Variants in TP53I11 observed in about 807,000 individuals in gnomAD.
TP53I11 encodes tumor protein p53-inducible protein 11.
TP53I11 carries 9 observed loss-of-function variants against 23.3 expected under a neutral mutation model. That is an observed-to-expected ratio of 0.39 (90% CI 0.23 to 0.67). The LOEUF (loss-of-function observed/expected upper bound fraction) is 0.67, where lower values mean the gene tolerates loss of function less well. TP53I11 is among the 30% of genes least tolerant of loss of function. TP53I11 has a pLI of 0.48. For missense variants in TP53I11, 170 were observed against 255.2 expected (o/e 0.67, Z 2.27); for synonymous variants, 100 against 106.1 (o/e 0.94, Z 0.35).
chr11:44,947,412 C>T lies in TP53I11; in HGVS notation c.-32+3265G>A, dbSNP rs149819629. On this transcript the variant is annotated intron_variant, in intron 1 of 6. Transcript: ENST00000525680. The stretch of plus-strand genomic sequence containing the variant: ...CCCTCTCCGACCTGCACCCCACTCT[C>T]CCCATGCCCCTCCCCCACCCCGTGG... Among the ~76,000 whole-genome samples, 1,428 of 152,278 alleles carry T rather than the reference C, an allele frequency of 9.4e-3. 10 individuals carry two copies. Among genetic ancestry groups the T allele is most frequent in the Admixed American group, 0.014 (211 of 15,308 alleles).
chr11:44,937,870 TG>T (rs983822666), intron 2 of TP53I11, among the ~76,000 whole-genome samples: 1 of 152,238 alleles, frequency 6.6e-6, no homozygotes, highest in Admixed American at 6.5e-5. Context: ...ACTTGAAGCC[TG>T]GTCCTGCCAC....
At chr11:44,940,049 G>A (rs1861605750) in intron 1 of TP53I11, among the ~76,000 whole-genome samples, 1 of 152,220 alleles carries the variant, frequency 6.6e-6, no homozygotes, top group African/African-American at 2.4e-5. Flanking sequence ...CTCCTGGAGG[G>A]CCCAGGACGC....
At chr11:44,937,048 C>T (rs955245714) in intron 4 of TP53I11, 149 bp from the exon 5 acceptor site, 181 of 737,306 alleles carry the variant, frequency 2.5e-4, no homozygotes, top group Non-Finnish European at 3.6e-4. Flanking sequence ...TTGTCCCCAC[C>T]CGCCCCCATG....
Position 44,936,840 on chromosome 11 carries a change from G to C in TP53I11, c.297C>G (p.Ser99Arg). The stretch of plus-strand genomic sequence containing the variant: ...CGCCGTAGAGGCGGATGGGGGTCTT[G>C]CTGGTCACCTGGGCTCCATCAAAGA... ...DAVFDGAQVT[S>R]KTPIRLYGGA... The change falls in exon 5 of 7, where the codon AGC becomes AGG. Residue 99 changes from serine (S) to arginine (R), a missense_variant. By Grantham distance (110) the Ser-to-Arg change is moderately radical (BLOSUM62 -1). Coordinates refer to ENST00000525680, the MANE Select transcript of TP53I11 (RefSeq NM_006034.5). The surrounding 1 kb of genome is among the most constrained non-coding windows in gnomAD (Gnocchi z 4.4). The C allele has an allele frequency of 6.2e-7, 1 of 1,609,218 alleles. No individual in the cohort carries two copies. Among genetic ancestry groups the C allele is most frequent in the Non-Finnish European group, 8.5e-7 (1 of 1,178,362 alleles).
chr11:44,937,398 T>C, intron 3 of TP53I11, 46 bp from the exon 4 acceptor site: 1 of 1,475,386 alleles, frequency 6.8e-7, no homozygotes, highest in Non-Finnish European at 9.0e-7. Flanking sequence ...CAGGGGACCC[T>C]CCCCTCTCCA....
intron 1 of TP53I11, among the ~76,000 whole-genome samples, chr11:44,944,572 C>T (rs1862209978): frequency 6.6e-6 from 1 of 152,164 alleles, no homozygotes; most frequent in Non-Finnish European, 1.5e-5. Flanking sequence ...ATACAAGAGT[C>T]AGAAGAGGAT....
intron 1 of TP53I11, among the ~76,000 whole-genome samples, chr11:44,943,960 C>A (rs1862148879): frequency 6.6e-6 from 1 of 152,214 alleles, no homozygotes; most frequent in Non-Finnish European, 1.5e-5. Flanking sequence ...TGCCCCAGGC[C>A]ACATGGAAGC....
intron 4 of TP53I11, 115 bp from the exon 5 acceptor site, chr11:44,937,014 G>A: frequency 1.2e-6 from 1 of 817,198 alleles, no homozygotes; most frequent in Non-Finnish European, 1.9e-6. Flanking sequence ...GCATCCTTGG[G>A]GGCAGTCCAG....
In TP53I11 at chr11:44,934,780, G is replaced by A. The variant is rs1860890264; in HGVS notation, c.*104C>T. The A allele has an allele frequency of 1.3e-6, 2 of 1,502,440 alleles. No homozygotes were observed. The highest frequency in any genetic ancestry group is 1.8e-6 in the Non-Finnish European group (2 of 1,108,248). 93.1% of individuals were successfully genotyped at this position (1,502,440 alleles called of 1,614,324 possible). On this transcript the variant is annotated 3_prime_UTR_variant, in exon 7 of 7. Transcript: ENST00000525680. ...CCCCTGCCTCCCTGGGGCAGGACTG[G>A]GGCAGGGCAGGGGACCCTCCTGCCT... is the stretch of plus-strand genomic sequence containing the variant.
In TP53I11 at chr11:44,936,636, G is replaced by A. The variant is rs929097525; in HGVS notation, c.334+167C>T. 6.7e-6 allele frequency: 9 copies of A among 1,340,878 alleles called. No individual in the cohort carries two copies. The African/African-American group carries it at 1.4e-4, about 20-fold the overall frequency. 83.1% of individuals were successfully genotyped at this position (1,340,878 alleles called of 1,614,324 possible). ...GTATTCCACCAATGGCCACAAGATG[G>A]CAGCACATCCCCAGCAGAGAGCTTC... On this transcript the variant is annotated intron_variant, in intron 5 of 6. Transcript: ENST00000525680. The surrounding 1 kb of genome is among the most constrained non-coding windows in gnomAD (Gnocchi z 4.4).
In TP53I11 at chr11:44,935,672, GGGATGAAAAGGGGGCTGGGGGT is replaced by G; in HGVS notation, c.335-32_335-11del. On this transcript the variant is annotated splice_polypyrimidine_tract_variant and intron_variant, in intron 5 of 6. Coordinates refer to ENST00000525680, the MANE Select transcript of TP53I11 (RefSeq NM_006034.5). ...ATGATCAGGGAGATGCCTGGGGCGGGGGATGAAAAGGGGGCTGGGGGTGGGACAGCTGACTCCCTCCCAGCAG... is the reference window on the plus strand; with the variant it reads ...ATGATCAGGGAGATGCCTGGGGCGGGGGGACAGCTGACTCCCTCCCAGCAG... The G allele has an allele frequency of 4.6e-6, 7 of 1,532,416 alleles. No individual in the cohort carries two copies. The highest frequency in any genetic ancestry group is 5.4e-6 in the Non-Finnish European group (6 of 1,109,698). 94.9% of individuals were successfully genotyped at this position (1,532,416 alleles called of 1,614,324 possible).
chr11:44,938,450 C>T, intron 1 of TP53I11, 84 bp from the exon 2 acceptor site: 1 of 1,405,820 alleles, frequency 7.1e-7, no homozygotes, highest in Non-Finnish European at 9.3e-7. Context: ...CGGAAGGCCA[C>T]ACCCCACACC....
chr11:44,934,685 G>T lies in TP53I11; in HGVS notation c.*199C>A. 1.5e-6 allele frequency: 1 copy of T among 668,900 alleles called. No individual in the cohort carries two copies. Among genetic ancestry groups the T allele is most frequent in the Non-Finnish European group, 2.5e-6 (1 of 404,986 alleles). The allele number at this position is 668,900 out of a possible 1,614,324, so 41.4% of individuals were successfully genotyped here. ...AGAGGCCCTGTCTCTCCCCAGACCA[G>T]CATGTCAAGCCTGAAAGCCCAGGAG... On this transcript the variant is annotated 3_prime_UTR_variant, in exon 7 of 7. Transcript: ENST00000525680.
rs564967964 is a variant in TP53I11 at position 44,936,091 on chromosome 11, G to C, written c.335-429C>G. ...ACTCCCAGACAGAAAACCTGAGCCC[G>C]GTAAGGACTCGCTTTAAGGAAGTCC... On this transcript the variant is annotated intron_variant, in intron 5 of 6. Coordinates refer to ENST00000525680, the MANE Select transcript of TP53I11 (RefSeq NM_006034.5). The surrounding 1 kb of genome is among the most constrained non-coding windows in gnomAD (Gnocchi z 4.4). 1 of 456,984 alleles carries C rather than the reference G, an allele frequency of 2.2e-6. No individual in the cohort carries two copies. Among genetic ancestry groups the C allele is most frequent in the Non-Finnish European group, 3.0e-6 (1 of 335,404 alleles). The allele number at this position is 456,984 out of a possible 1,614,324, so 28.3% of individuals were successfully genotyped here. A position where few individuals can be genotyped will look rare whatever the true frequency, so the allele number is the denominator to read the frequency against.
chr11:44,937,511 G>A (rs761620725), intron 3 of TP53I11, 44 bp downstream of exon 3: 57 of 1,606,470 alleles, frequency 3.5e-5, no homozygotes, highest in Middle Eastern at 1.7e-4. Context: ...CTGCCCCACC[G>A]CCGCAGGCCT....
At chr11:44,946,232 T>C (rs1398913178) in intron 1 of TP53I11, among the ~76,000 whole-genome samples, 1 of 151,862 alleles carries the variant, frequency 6.6e-6, no homozygotes, top group East Asian at 1.9e-4. Context: ...GCCTCTGGGG[T>C]GCAGGTTTCA....
intron 1 of TP53I11, chr11:44,950,191 C>T (rs1862806797): frequency 6.6e-6 from 1 of 152,306 alleles, no homozygotes; most frequent in South Asian, 2.1e-4. Flanking sequence ...GCCGCGCACT[C>T]CTCCTGCCGG....
intron 1 of TP53I11, among the ~76,000 whole-genome samples, chr11:44,942,510 C>G (rs189227340): frequency 1.7e-3 from 262 of 152,116 alleles, no homozygotes; most frequent in Non-Finnish European, 3.1e-3. Flanking sequence ...GAGTCAACAA[C>G]AGCTGCTGCA....
In TP53I11 at chr11:44,938,025, C is replaced by T. The variant is rs548178338; in HGVS notation, c.129+182G>A. Among the ~76,000 whole-genome samples, 4 of 152,324 alleles carry T rather than the reference C, an allele frequency of 2.6e-5. No homozygotes were observed. The South Asian group carries it at 6.2e-4, about 24-fold the overall frequency. On this transcript the variant is annotated intron_variant, in intron 2 of 6. Coordinates refer to ENST00000525680, the MANE Select transcript of TP53I11 (RefSeq NM_006034.5). ...AAAGCAACTGCTGGAAAACCGGGCA[C>T]GTAATAGGCACTTAATTCTAATGAT...
Sources: allele counts gnomAD v4.1 joint callset (sites outside exome capture counted in the v4.1 genomes callset), GRCh38; gene constraint gnomAD v4.1.1; non-coding constraint Gnocchi (gnomAD v3.1); transcripts MANE v1.5; gene names NCBI Gene and HGNC (gene_info 2026-07-23, HGNC 2026-07-21).